Variants in FA2H observed in about 807,000 individuals in gnomAD.
FA2H encodes the protein fatty acid 2-hydroxylase.
In FA2H, 22 loss-of-function variants were observed where a neutral mutation model predicts 44.9. The ratio of observed to expected loss-of-function variants is 0.49; its 90% CI spans 0.35 to 0.70. FA2H has a LOEUF of 0.70. Among genes scored for constraint, FA2H ranks in the 30% least tolerant of loss-of-function variants. The probability of loss-of-function intolerance (pLI) is 0.01; values close to 1 mark genes in which losing one functional copy is unlikely to be tolerated. For missense variants in FA2H, 501 were observed against 504.9 expected, an observed-to-expected ratio of 0.99 and a Z score of 0.07; for synonymous variants, 243 against 213.2, an observed-to-expected ratio of 1.14 and a Z score of -1.22.
intron 3 of FA2H, 43 bp from the exon 4 acceptor site, chr16:74,726,374 G>T (rs2144616138): frequency 2.4e-6 from 3 of 1,247,446 alleles, no homozygotes; most frequent in Non-Finnish European, 2.3e-6. Context: ...ATGCACAGGA[G>T]CTTGACAGAG....
chr16:74,744,450 CTTTT>C (rs35646878), intron 1 of FA2H, among the ~76,000 whole-genome samples: 15 of 129,546 alleles, frequency 1.2e-4, no homozygotes, highest in Admixed American at 2.3e-4. Flanking sequence ...CAGATGATGC[CTTTT>C]TTTTTTTTTT....
In FA2H at chr16:74,714,011, AG is replaced by A. The variant is rs2144598612; in HGVS notation, c.*178del. ...ACCAAGTGGATGTGACCCTCCTACC[AG>A]GGGTCAGGAGGGCGGTCCTGCCTCA... On this transcript the variant is annotated 3_prime_UTR_variant, in exon 7 of 7. Coordinates refer to ENST00000219368, the MANE Select transcript of FA2H (RefSeq NM_024306.5). 1.7e-6 allele frequency: 1 copy of A among 591,666 alleles called. No homozygotes were observed. Among genetic ancestry groups the A allele is most frequent in the Non-Finnish European group, 3.0e-6 (1 of 330,504 alleles). The allele number at this position is 591,666 out of a possible 1,614,324, so 36.7% of individuals were successfully genotyped here.
chr16:74,767,154 C>T (rs920339314), intron 1 of FA2H, among the ~76,000 whole-genome samples: 5 of 152,074 alleles, frequency 3.3e-5, no homozygotes, highest in African/African-American at 1.2e-4. Flanking sequence ...ACTAAAAATA[C>T]AAAAATTAGC....
chr16:74,756,650 T>C lies in FA2H; in HGVS notation c.271-16535A>G, dbSNP rs539230809. 5.9e-5 allele frequency among the ~76,000 whole-genome samples: 9 copies of C among 152,210 alleles called. 1 individual carries two copies. Among genetic ancestry groups the C allele is most frequent in the African/African-American group, 2.2e-4 (9 of 41,520 alleles). On this transcript the variant is annotated intron_variant, in intron 1 of 6. Transcript: ENST00000219368. ...CTAAAACCTAATAAAACAGTAGTGA[T>C]TTCATTGGTATAGAATATAGTCCAA...
chr16:74,750,748 CTCTT>C (rs1962511512), intron 1 of FA2H, among the ~76,000 whole-genome samples: 1 of 66,838 alleles, frequency 1.5e-5, no homozygotes, highest in Non-Finnish European at 3.4e-5. Context: ...GGCCTATGTC[CTCTT>C]TTTTTTCACT....
At chr16:74,765,014 T>G (rs963739323) in intron 1 of FA2H, among the ~76,000 whole-genome samples, 1 of 152,136 alleles carries the variant, frequency 6.6e-6, no homozygotes, top group Non-Finnish European at 1.5e-5. Flanking sequence ...TGTAAGAGCC[T>G]GCTAAGGGAG....
At chr16:74,729,508 G>T (rs1228558092) in intron 2 of FA2H, among the ~76,000 whole-genome samples, 1 of 152,212 alleles carries the variant, frequency 6.6e-6, no homozygotes, top group Admixed American at 6.5e-5. Context: ...ATTAACACAT[G>T]CAAATACTTT....
chr16:74,722,635 G>A (rs879519872), intron 4 of FA2H, among the ~76,000 whole-genome samples: 37 of 152,168 alleles, frequency 2.4e-4, no homozygotes, highest in South Asian at 6.2e-4. Flanking sequence ...CTTCTGGGCC[G>A]GATGCAGTGG....
intron 2 of FA2H, among the ~76,000 whole-genome samples, chr16:74,734,646 G>T (rs1320350186): frequency 6.6e-6 from 1 of 152,214 alleles, no homozygotes; most frequent in African/African-American, 2.4e-5. Context: ...GAAGGGCATG[G>T]TGCCCCGGTA....
intron 1 of FA2H, among the ~76,000 whole-genome samples, chr16:74,744,430 G>T (rs1371281261): frequency 6.7e-6 from 1 of 149,718 alleles, no homozygotes; most frequent in Non-Finnish European, 1.5e-5. Flanking sequence ...CCAGTATTTG[G>T]AAATTATTCC....
intron 4 of FA2H, chr16:74,725,919 G>C: frequency 2.5e-6 from 1 of 396,952 alleles, no homozygotes; most frequent in South Asian, 2.2e-5. Context: ...CACATCATGT[G>C]TCTTTTGGTG....
chr16:74,733,561 A>G (rs1962120616), intron 2 of FA2H, among the ~76,000 whole-genome samples: 2 of 152,040 alleles, frequency 1.3e-5, no homozygotes, highest in South Asian at 4.1e-4. Context: ...TTTCTTAATC[A>G]TCTTCCAGTC....
intron 2 of FA2H, among the ~76,000 whole-genome samples, chr16:74,735,054 G>C (rs1025766253): frequency 6.6e-6 from 1 of 152,232 alleles, no homozygotes; most frequent in Admixed American, 6.5e-5. Flanking sequence ...TCCTTCATGA[G>C]CCTTAATTCT....
At position 74,774,472 on chromosome 16, in the gene FA2H, C is replaced by A; in HGVS notation, c.270+14G>T. On this transcript the variant is annotated intron_variant, in intron 1 of 6. Coordinates refer to ENST00000219368, the MANE Select transcript of FA2H (RefSeq NM_024306.5). Reference sequence around the variant, plus strand: ...AGGCCTGGGTTGGGGTGGGGGGCCCCGGCCCGGCTGTACCTGCTGCTCCCC... The same window carrying A: ...AGGCCTGGGTTGGGGTGGGGGGCCCAGGCCCGGCTGTACCTGCTGCTCCCC... 1 of 1,499,276 alleles carries A rather than the reference C, an allele frequency of 6.7e-7. No homozygotes were observed. The allele number at this position is 1,499,276 out of a possible 1,614,324, so 92.9% of individuals were successfully genotyped here.
At chr16:74,723,116 T>C (rs1397269832) in intron 4 of FA2H, among the ~76,000 whole-genome samples, 3 of 152,214 alleles carry the variant, frequency 2.0e-5, no homozygotes, top group African/African-American at 7.2e-5. Flanking sequence ...TATCCGAGGG[T>C]ACTACGTTGG....
At chr16:74,770,292 C>G (rs1597575238) in intron 1 of FA2H, among the ~76,000 whole-genome samples, 3 of 152,330 alleles carry the variant, frequency 2.0e-5, no homozygotes, top group South Asian at 4.1e-4. Flanking sequence ...GGGAGAAGAA[C>G]AGAAATTGTC....
chr16:74,719,881 T>C (rs1451196274), intron 4 of FA2H, among the ~76,000 whole-genome samples: 2 of 151,514 alleles, frequency 1.3e-5, no homozygotes, highest in African/African-American at 4.9e-5. Flanking sequence ...ATGGGAAGTG[T>C]GACCCACCAG....
At chr16:74,717,054 G>A (rs1387911126) in intron 5 of FA2H, 1 of 170,458 alleles carries the variant, frequency 5.9e-6, no homozygotes, top group Non-Finnish European at 1.3e-5. Context: ...GGGCAACTGA[G>A]GTTAATGCAG....
chr16:74,743,729 T>C (rs561464889), intron 1 of FA2H, among the ~76,000 whole-genome samples: 4 of 152,292 alleles, frequency 2.6e-5, no homozygotes, highest in Non-Finnish European at 4.4e-5. Flanking sequence ...TCAGGACTGA[T>C]ATGCTTCTGG....
Sources: gnomAD v4.1 joint callset for allele counts (sites outside exome capture counted in the v4.1 genomes callset) on GRCh38, gnomAD v4.1.1 for gene constraint, MANE v1.5 for transcripts, NCBI Gene and HGNC (gene_info 2026-07-23, HGNC 2026-07-21) for gene names.